Variants in GFOD1 observed in about 807,000 individuals in gnomAD.
GFOD1 encodes the protein Gfo/Idh/MocA-like oxidoreductase domain containing 1, also known as glucose-fructose oxidoreductase domain-containing protein 1.
A neutral mutation model predicts 25.4 loss-of-function variants in GFOD1; 9 were observed. The ratio of observed to expected loss-of-function variants is 0.35; its 90% CI spans 0.21 to 0.62. GFOD1 has a LOEUF of 0.62. GFOD1 is among the 20% of genes least tolerant of loss of function. GFOD1 has a pLI of 0.72. For missense variants in GFOD1, 403 were observed against 556.9 expected (o/e 0.72, Z 2.78); for synonymous variants, 253 against 245.6 (o/e 1.03, Z -0.28).
intron 1 of GFOD1, among the ~76,000 whole-genome samples, chr6:13,399,108 G>A (rs1026104383): frequency 9.9e-5 from 15 of 152,040 alleles, no homozygotes; most frequent in African/African-American, 3.6e-4. Flanking sequence ...TTAACCTCGC[G>A]GACTCAGGTG....
At chr6:13,485,284 A>G (rs771450133) in intron 1 of GFOD1, among the ~76,000 whole-genome samples, 3 of 152,250 alleles carry the variant, frequency 2.0e-5, no homozygotes, top group Non-Finnish European at 4.4e-5. Flanking sequence ...CTTCGAAGAC[A>G]GAATTAAAAC....
At chr6:13,404,424 A>G (rs769699350) in intron 1 of GFOD1, among the ~76,000 whole-genome samples, 3 of 152,208 alleles carry the variant, frequency 2.0e-5, no homozygotes, top group Non-Finnish European at 4.4e-5. Context: ...TGTATGATGA[A>G]GTTTTATAAA....
intron 1 of GFOD1, among the ~76,000 whole-genome samples, chr6:13,406,280 T>C (rs533044687): frequency 8.7e-4 from 132 of 152,328 alleles, no homozygotes; most frequent in African/African-American, 2.9e-3. Context: ...GGAAATAAAA[T>C]GCCTCTCTGG....
intron 1 of GFOD1, among the ~76,000 whole-genome samples, chr6:13,413,802 C>G (rs1786119130): frequency 6.6e-6 from 1 of 152,228 alleles, no homozygotes; most frequent in Non-Finnish European, 1.5e-5. Context: ...GACCCCAAGG[C>G]TCTACCAAGC....
chr6:13,377,438 G>T (rs781701908), intron 1 of GFOD1, among the ~76,000 whole-genome samples: 5 of 152,144 alleles, frequency 3.3e-5, no homozygotes, highest in Non-Finnish European at 5.9e-5. Context: ...TGTGGCTATA[G>T]GACTGAGGTC....
intron 1 of GFOD1, among the ~76,000 whole-genome samples, chr6:13,371,254 G>T (rs1387956915): frequency 1.3e-5 from 2 of 152,120 alleles, no homozygotes; most frequent in Non-Finnish European, 2.9e-5. Context: ...ACCTACAAAG[G>T]CTTTCCCCCT....
rs1437951045 is a variant in GFOD1 at position 13,365,421 on chromosome 6, G to A, written c.495C>T (p.Asp165=). The change falls in exon 2 of 2, where the codon GAC becomes GAT. Residue 165 remains aspartate, a synonymous_variant. Transcript: ENST00000379287. The surrounding 1 kb of genome is among the most constrained non-coding windows in gnomAD (Gnocchi z 9.2). ...GCAGGCCGCCGCCGCCCATCAAGTCGTCGCAGCTCCAGTTGTACTTCTTGC... is the reference window on the plus strand; with the variant it reads ...GCAGGCCGCCGCCGCCCATCAAGTCATCGCAGCTCCAGTTGTACTTCTTGC... The part of the protein sequence containing the change: ...LLGKKYNWSC[D]DLMGGGGLHS... 5 of 1,613,814 alleles carry A rather than the reference G, an allele frequency of 3.1e-6. No individual in the cohort carries two copies. The highest frequency in any genetic ancestry group is 4.2e-6 in the Non-Finnish European group (5 of 1,179,996).
rs781526718 is a variant in GFOD1, at chr6:13,486,623, G to A, written c.253+15C>T. 7.4e-6 allele frequency: 12 copies of A among 1,611,592 alleles called. No homozygotes were observed. The South Asian group carries it at 7.7e-5, about 10-fold the overall frequency. On this transcript the variant is annotated intron_variant, in intron 1 of 1. Transcript: ENST00000379287. ...GCGGGGGTGGGACGGAGGATGCGGG[G>A]TAGGGGTCGCTCACCTAGGGTTTTG...
intron 1 of GFOD1, chr6:13,470,365 T>C: frequency 2.6e-6 from 4 of 1,551,402 alleles, no homozygotes; most frequent in South Asian, 1.2e-5. Context: ...TGCAGCATTG[T>C]GGTCCCCGTG....
chr6:13,364,542 G>A lies in GFOD1; in HGVS notation c.*201C>T, dbSNP rs1785001279. The stretch of plus-strand genomic sequence containing the variant: ...GGCAGGCTCTCCTGAATGCTTCCAG[G>A]CTAGGAGCTCAGCCCACCAACAGTC... On this transcript the variant is annotated 3_prime_UTR_variant, in exon 2 of 2. Transcript: ENST00000379287. This position sits in a 1 kb window ranked among gnomAD's most constrained non-coding sequence, Gnocchi z 4.1. 1 of 587,880 alleles carries A rather than the reference G, an allele frequency of 1.7e-6. No homozygotes were observed. Among genetic ancestry groups the A allele is most frequent in the Non-Finnish European group, 3.0e-6 (1 of 330,590 alleles). 36.4% of individuals were successfully genotyped at this position (587,880 alleles called of 1,614,324 possible). A position where few individuals can be genotyped will look rare whatever the true frequency, so the allele number is the denominator to read the frequency against.
intron 1 of GFOD1, among the ~76,000 whole-genome samples, chr6:13,424,391 T>A (rs1219625498): frequency 6.6e-6 from 1 of 152,186 alleles, no homozygotes; most frequent in Non-Finnish European, 1.5e-5. Context: ...CATCAACGCT[T>A]ATCTTAAATC....
intron 1 of GFOD1, among the ~76,000 whole-genome samples, chr6:13,371,861 C>T (rs186521785): frequency 4.8e-4 from 73 of 152,348 alleles, no homozygotes; most frequent in African/African-American, 1.7e-3. Context: ...GGCTCTGTCC[C>T]TGCATCCAGA....
At chr6:13,464,035 C>A (rs918612656) in intron 1 of GFOD1, among the ~76,000 whole-genome samples, 1 of 152,184 alleles carries the variant, frequency 6.6e-6, no homozygotes, top group Non-Finnish European at 1.5e-5. Flanking sequence ...AAAATTTGTT[C>A]TCCCTGTAAG....
At chr6:13,379,929 G>A (rs1466635989) in intron 1 of GFOD1, among the ~76,000 whole-genome samples, 2 of 152,204 alleles carry the variant, frequency 1.3e-5, no homozygotes, top group Non-Finnish European at 2.9e-5. Flanking sequence ...TGCAAGCCAT[G>A]TGGCCCAAAG....
Position 13,364,487 on chromosome 6 carries a change from C to T in GFOD1, c.*256G>A, listed in dbSNP as rs1785000416. 1 of 518,876 alleles carries T rather than the reference C, an allele frequency of 1.9e-6. No homozygotes were observed. The highest frequency in any genetic ancestry group is 3.3e-5 in the Admixed American group (1 of 30,516). The allele number at this position is 518,876 out of a possible 1,614,324, so 32.1% of individuals were successfully genotyped here. A position where few individuals can be genotyped will look rare whatever the true frequency, so the allele number is the denominator to read the frequency against. ...GCAGCTAAACCAAACCACTCTCGTG[C>T]AAATACCCAGCAGGGATCATCCCAG... On this transcript the variant is annotated 3_prime_UTR_variant, in exon 2 of 2. Coordinates refer to ENST00000379287, the MANE Select transcript of GFOD1 (RefSeq NM_018988.4). This position sits in a 1 kb window ranked among gnomAD's most constrained non-coding sequence, Gnocchi z 4.1.
At chr6:13,470,500 G>GT in intron 1 of GFOD1, 3 of 1,549,960 alleles carry the variant, frequency 1.9e-6, no homozygotes, top group Non-Finnish European at 1.7e-6. Context: ...GAGCAGCATC[G>GT]TGGGGGGTAA....
Position 13,456,326 on chromosome 6 carries a change from C to T in GFOD1, c.253+30312G>A, listed in dbSNP as rs182201283. Among the ~76,000 whole-genome samples the T allele has an allele frequency of 4.6e-5, 7 of 152,200 alleles. No homozygotes were observed. In the East Asian group the frequency reaches 1.4e-3, roughly 29 times the overall value. On this transcript the variant is annotated intron_variant, in intron 1 of 1. Transcript: ENST00000379287. ...AGTAGCTGGGACTACAGGCATCCAC[C>T]ACCACGCCCGGCTGACTTTTGTATT...
chr6:13,413,693 C>A (rs1316992122), intron 1 of GFOD1, among the ~76,000 whole-genome samples: 2 of 152,182 alleles, frequency 1.3e-5, no homozygotes, highest in Non-Finnish European at 2.9e-5. Context: ...GCCCCAGCTA[C>A]CACCCCCTGG....
intron 1 of GFOD1, among the ~76,000 whole-genome samples, chr6:13,404,352 G>A (rs937287164): frequency 7.9e-5 from 12 of 152,188 alleles, no homozygotes; most frequent in East Asian, 5.8e-4. Context: ...CAGGAAGACC[G>A]AGGAACTTGC....
Sources: allele counts gnomAD v4.1 joint callset (sites outside exome capture counted in the v4.1 genomes callset), GRCh38; gene constraint gnomAD v4.1.1; non-coding constraint Gnocchi (gnomAD v3.1); transcripts MANE v1.5; gene names NCBI Gene and HGNC (gene_info 2026-07-23, HGNC 2026-07-21).